The following ADAMTSL1 variants were observed in gnomAD, a reference collection of about 807,000 sequenced individuals.
ADAMTSL1 encodes the protein ADAMTS like 1, also known as ADAMTS-like protein 1.
Under a neutral mutation model 201.8 loss-of-function variants are expected in ADAMTSL1, and 126 were observed. The observed-to-expected ratio is 0.62, with a 90% CI of 0.54 to 0.72. The LOEUF is 0.72. ADAMTSL1 is among the 30% of genes least tolerant of loss of function. The probability of loss-of-function intolerance (pLI) is 0.00; values close to 1 mark genes in which losing one functional copy is unlikely to be tolerated. For missense variants in ADAMTSL1, 2,679 were observed against 2,277.8 expected (o/e 1.18, Z -3.59); for synonymous variants, 1,121 against 903.4 (o/e 1.24, Z -4.32).
intron 16 of ADAMTSL1, among the ~76,000 whole-genome samples, chr9:18,755,048 T>C (rs867340724): frequency 6.6e-6 from 1 of 152,230 alleles, no homozygotes; most frequent in Non-Finnish European, 1.5e-5. Flanking sequence ...CTCCGTCTTA[T>C]GTGACCCTTT....
intron 2 of ADAMTSL1, among the ~76,000 whole-genome samples, chr9:18,239,432 T>C (rs1830973751): frequency 6.6e-6 from 1 of 152,134 alleles, no homozygotes; most frequent in Non-Finnish European, 1.5e-5. Context: ...CAGGAGTAGA[T>C]TCTGTTTCAA....
At position 18,299,021 on chromosome 9, in the gene ADAMTSL1, AAAT is replaced by A. The variant is rs1554652778; in HGVS notation, c.207+135060_207+135062del. 7.8e-4 allele frequency among the ~76,000 whole-genome samples: 117 copies of A among 149,660 alleles called. 2 individuals carry two copies. The highest frequency in any genetic ancestry group is 1.2e-3 in the East Asian group (6 of 5,038). ...AGCCAGACTCCGTCTCAAAAAAAAAAAATAATAATAATAATAATAATAGCCGCC... is the reference window on the plus strand; with the variant it reads ...AGCCAGACTCCGTCTCAAAAAAAAAAAATAATAATAATAATAATAGCCGCC... On this transcript the variant is annotated intron_variant, in intron 2 of 29. Coordinates refer to the ADAMTSL1 transcript ENST00000680146.
At chr9:18,778,822 C>T (rs1473590645) in intron 19 of ADAMTSL1, among the ~76,000 whole-genome samples, 1 of 152,132 alleles carries the variant, frequency 6.6e-6, no homozygotes, top group Non-Finnish European at 1.5e-5. Flanking sequence ...GGCAGAGCTA[C>T]GATATGCAAC....
At chr9:18,353,877 C>T (rs1836088126) in intron 2 of ADAMTSL1, among the ~76,000 whole-genome samples, 1 of 151,926 alleles carries the variant, frequency 6.6e-6, no homozygotes, top group Middle Eastern at 3.2e-3. Context: ...ATACATACTG[C>T]AGAAAACCTT....
intron 2 of ADAMTSL1, among the ~76,000 whole-genome samples, chr9:18,315,401 G>A (rs531504964): frequency 1.2e-4 from 18 of 152,062 alleles, no homozygotes; most frequent in Non-Finnish European, 2.2e-4. Context: ...CGCCCGTCAG[G>A]GAGGCTCGGG....
At chr9:18,239,208 A>G (rs1372593836) in intron 2 of ADAMTSL1, among the ~76,000 whole-genome samples, 1 of 152,142 alleles carries the variant, frequency 6.6e-6, no homozygotes, top group Non-Finnish European at 1.5e-5. Flanking sequence ...ATACCTTAAG[A>G]CAACAATGCA....
chr9:18,632,161 T>C (rs1337720118), intron 5 of ADAMTSL1, among the ~76,000 whole-genome samples: 2 of 152,186 alleles, frequency 1.3e-5, no homozygotes, highest in Non-Finnish European at 2.9e-5. Context: ...TAAGAGATCT[T>C]AAACACCACT....
intron 2 of ADAMTSL1, among the ~76,000 whole-genome samples, chr9:18,524,499 G>A (rs1047556766): frequency 7.2e-5 from 11 of 152,138 alleles, no homozygotes; most frequent in Non-Finnish European, 1.5e-4. Flanking sequence ...TGGTGAGAGA[G>A]GGCATCCCTG....
intron 2 of ADAMTSL1, among the ~76,000 whole-genome samples, chr9:18,377,431 A>C (rs1837347745): frequency 6.6e-6 from 1 of 152,236 alleles, no homozygotes; most frequent in Non-Finnish European, 1.5e-5. Flanking sequence ...TGACTGTGAA[A>C]ACTTAAATCA....
intron 1 of ADAMTSL1, among the ~76,000 whole-genome samples, chr9:18,487,549 A>G (rs1271617156): frequency 6.6e-6 from 1 of 150,408 alleles, no homozygotes; most frequent in Non-Finnish European, 1.5e-5. Context: ...GCAAAAGGGG[A>G]AAAAAAGTTA....
At chr9:18,246,912 G>T (rs905211571) in intron 2 of ADAMTSL1, among the ~76,000 whole-genome samples, 17 of 152,134 alleles carry the variant, frequency 1.1e-4, no homozygotes, top group Admixed American at 9.8e-4. Flanking sequence ...ACTGATAAAT[G>T]CAAGACAATG....
At chr9:18,827,033 C>A (rs1469904703) in intron 22 of ADAMTSL1, among the ~76,000 whole-genome samples, 2 of 152,098 alleles carry the variant, frequency 1.3e-5, no homozygotes, top group African/African-American at 4.8e-5. Context: ...GCTGGGACAC[C>A]ATCCACCATC....
At chr9:18,419,128 T>A (rs1384129204) in intron 2 of ADAMTSL1, among the ~76,000 whole-genome samples, 1 of 152,184 alleles carries the variant, frequency 6.6e-6, no homozygotes. Flanking sequence ...AAAATAGAAA[T>A]CTACACATGC....
At chr9:18,902,962 T>G (rs1294036240) in intron 26 of ADAMTSL1, among the ~76,000 whole-genome samples, 1 of 152,222 alleles carries the variant, frequency 6.6e-6, no homozygotes, top group Non-Finnish European at 1.5e-5. Flanking sequence ...CCCAACACTT[T>G]GGGAGTCTGA....
At chr9:18,303,691 T>C (rs1161977533) in intron 2 of ADAMTSL1, among the ~76,000 whole-genome samples, 2 of 152,174 alleles carry the variant, frequency 1.3e-5, no homozygotes, top group South Asian at 2.1e-4. Context: ...GATGGGGGTA[T>C]GAAATAGTGG....
intron 1 of ADAMTSL1, among the ~76,000 whole-genome samples, chr9:18,063,656 G>A (rs1278250811): frequency 6.6e-6 from 1 of 152,222 alleles, no homozygotes; most frequent in Non-Finnish European, 1.5e-5. Context: ...ATGGGACAGT[G>A]ATGCTTACTG....
At chr9:18,550,156 T>C (rs1388908643) in intron 3 of ADAMTSL1, among the ~76,000 whole-genome samples, 1 of 152,004 alleles carries the variant, frequency 6.6e-6, no homozygotes, top group Non-Finnish European at 1.5e-5. Context: ...ACATCTACAG[T>C]TAATATGGTA....
chr9:18,383,792 C>T (rs1004461543), intron 2 of ADAMTSL1, among the ~76,000 whole-genome samples: 1 of 152,166 alleles, frequency 6.6e-6, no homozygotes, highest in African/African-American at 2.4e-5. Flanking sequence ...AGGCCAAGCT[C>T]AGGTATGGAG....
intron 2 of ADAMTSL1, among the ~76,000 whole-genome samples, chr9:18,420,624 C>T (rs1818900518): frequency 6.6e-6 from 1 of 152,068 alleles, no homozygotes; most frequent in Non-Finnish European, 1.5e-5. Context: ...TTTATTCTTT[C>T]AGTGCTATTG....
Sources: gnomAD v4.1 joint callset for allele counts (sites outside exome capture counted in the v4.1 genomes callset) on GRCh38, gnomAD v4.1.1 for gene constraint, MANE v1.5 for transcripts, NCBI Gene and HGNC (gene_info 2026-07-23, HGNC 2026-07-21) for gene names.